The following ASTN2 variants were observed in gnomAD, a reference collection of about 807,000 sequenced individuals.
ASTN2 encodes astrotactin-2.
Under a neutral mutation model 139.8 loss-of-function variants are expected in ASTN2, and 54 were observed. The ratio of observed to expected loss-of-function variants is 0.39; its 90% CI spans 0.31 to 0.48. ASTN2 has a LOEUF of 0.48. Among genes scored for constraint, ASTN2 ranks in the 20% least tolerant of loss-of-function variants. The probability of loss-of-function intolerance (pLI) is 0.95; values close to 1 mark genes in which losing one functional copy is unlikely to be tolerated. For missense variants in ASTN2, 1,565 were observed against 1,725.1 expected (o/e 0.91, Z 1.64); for synonymous variants, 756 against 719.5 (o/e 1.05, Z -0.81).
intron 5 of ASTN2, among the ~76,000 whole-genome samples, chr9:117,084,817 T>C (rs986302021): frequency 3.9e-5 from 6 of 152,228 alleles, no homozygotes; most frequent in African/African-American, 1.4e-4. Context: ...TAATATTAAA[T>C]GATTAGAATC....
rs189551083 is a variant in ASTN2 at position 116,872,950 on chromosome 9, C to A, written c.1890-9217G>T. ...TCCTGTGTGCCAGGCCATGGTGATT[C>A]TGGACTTTACCCTGGAAGCTATGGA... On this transcript the variant is annotated intron_variant, in intron 10 of 22. Transcript: ENST00000313400. Among the ~76,000 whole-genome samples the A allele has an allele frequency of 1.3e-3, 194 of 152,162 alleles. 1 individual carries two copies. The highest frequency in any genetic ancestry group is 4.6e-3 in the African/African-American group (189 of 41,486).
chr9:116,679,980 A>C (rs941921141), intron 16 of ASTN2, among the ~76,000 whole-genome samples: 6 of 152,220 alleles, frequency 3.9e-5, no homozygotes, highest in Admixed American at 3.9e-4. Context: ...AAGCAAGAGC[A>C]AACACATTCA....
chr9:116,772,445 G>A (rs924217800), intron 13 of ASTN2, among the ~76,000 whole-genome samples: 1 of 152,120 alleles, frequency 6.6e-6, no homozygotes, highest in African/African-American at 2.4e-5. Context: ...GTGGAATTGT[G>A]AGTTCATTAA....
intron 13 of ASTN2, among the ~76,000 whole-genome samples, chr9:116,773,147 C>T (rs1485063443): frequency 2.0e-5 from 3 of 149,416 alleles, no homozygotes; most frequent in Non-Finnish European, 4.4e-5. Flanking sequence ...TTCTTTTATC[C>T]TTGATATTTT....
chr9:116,891,134 T>G (rs1172306047), intron 10 of ASTN2, among the ~76,000 whole-genome samples: 1 of 152,202 alleles, frequency 6.6e-6, no homozygotes, highest in Non-Finnish European at 1.5e-5. Flanking sequence ...AGATGTACCT[T>G]GATATTTGCA....
intron 1 of ASTN2, among the ~76,000 whole-genome samples, chr9:117,380,034 G>A (rs771959994): frequency 2.6e-5 from 4 of 152,060 alleles, no homozygotes; most frequent in Non-Finnish European, 5.9e-5. Flanking sequence ...TAATGTGAAA[G>A]GTTTTAGAGA....
intron 16 of ASTN2, among the ~76,000 whole-genome samples, chr9:116,672,599 G>A (rs753972756): frequency 6.6e-6 from 1 of 152,146 alleles, no homozygotes; most frequent in Non-Finnish European, 1.5e-5. Flanking sequence ...TCTTTACCAG[G>A]TGGTGCCTTT....
At chr9:117,234,997 G>C (rs186488266) in intron 2 of ASTN2, among the ~76,000 whole-genome samples, 2 of 152,330 alleles carry the variant, frequency 1.3e-5, no homozygotes, top group East Asian at 1.9e-4. Context: ...ACTTTGGGAG[G>C]CTGAGGCAGG....
chr9:117,172,933 A>G (rs1588040422), intron 3 of ASTN2, among the ~76,000 whole-genome samples: 2 of 152,082 alleles, frequency 1.3e-5, no homozygotes, highest in East Asian at 3.9e-4. Flanking sequence ...CCATGGGCCA[A>G]ATTGTGTGAA....
intron 7 of ASTN2, among the ~76,000 whole-genome samples, chr9:116,985,738 G>C (rs1407908321): frequency 1.3e-5 from 2 of 152,190 alleles, no homozygotes; most frequent in African/African-American, 4.8e-5. Flanking sequence ...GAAGGATCTG[G>C]CTTCAGCTGA....
intron 13 of ASTN2, among the ~76,000 whole-genome samples, chr9:116,774,288 A>G (rs1830024900): frequency 1.3e-5 from 2 of 152,168 alleles, no homozygotes; most frequent in Admixed American, 1.3e-4. Context: ...AGGTTACTCA[A>G]TGGAAGAACA....
intron 22 of ASTN2, chr9:116,437,488 G>T: frequency 2.1e-6 from 1 of 471,342 alleles, no homozygotes; most frequent in Non-Finnish European, 4.4e-6. Flanking sequence ...GGGTTAGCGG[G>T]TTATCACAAA....
intron 19 of ASTN2, among the ~76,000 whole-genome samples, chr9:116,519,502 G>C (rs956442370): frequency 6.6e-6 from 1 of 151,968 alleles, no homozygotes; most frequent in African/African-American, 2.4e-5. Context: ...CTGGGATACA[G>C]CAAAAGTGGT....
At chr9:117,057,355 A>G (rs1839092314) in intron 5 of ASTN2, among the ~76,000 whole-genome samples, 1 of 152,214 alleles carries the variant, frequency 6.6e-6, no homozygotes, top group Non-Finnish European at 1.5e-5. Context: ...CCAAGGCATC[A>G]TTAAGGTAGA....
chr9:117,300,152 T>C (rs1055382464), intron 1 of ASTN2, among the ~76,000 whole-genome samples: 3 of 152,184 alleles, frequency 2.0e-5, no homozygotes, highest in African/African-American at 7.2e-5. Context: ...CTACTGACTA[T>C]CTGAAATGTG....
intron 13 of ASTN2, among the ~76,000 whole-genome samples, chr9:116,770,114 A>AC (rs1161852689): frequency 1.3e-5 from 2 of 151,564 alleles, no homozygotes; most frequent in Non-Finnish European, 2.9e-5. Context: ...AAAAAAAAAA[A>AC]AAAAACTAAA....
chr9:117,258,215 T>C (rs1833737793), intron 2 of ASTN2, among the ~76,000 whole-genome samples: 1 of 152,136 alleles, frequency 6.6e-6, no homozygotes, highest in East Asian at 1.9e-4. Flanking sequence ...GACTTGGTGC[T>C]GACATGAATA....
chr9:116,473,147 A>G (rs933941530), intron 20 of ASTN2, among the ~76,000 whole-genome samples: 6 of 152,146 alleles, frequency 3.9e-5, no homozygotes, highest in Non-Finnish European at 5.9e-5. Flanking sequence ...ACATGATGAC[A>G]ACGACTGGGA....
At chr9:117,367,471 C>A (rs1160428774) in intron 1 of ASTN2, among the ~76,000 whole-genome samples, 2 of 152,098 alleles carry the variant, frequency 1.3e-5, no homozygotes, top group Admixed American at 1.3e-4. Context: ...AAAGAAGGGA[C>A]ATTTTCATGA....
Sources: allele counts gnomAD v4.1 joint callset (sites outside exome capture counted in the v4.1 genomes callset), GRCh38; gene constraint gnomAD v4.1.1; transcripts MANE v1.5; gene names NCBI Gene and HGNC (gene_info 2026-07-23, HGNC 2026-07-21).